The following NRG3 variants were observed in gnomAD, a reference collection of about 807,000 sequenced individuals.
The protein encoded by NRG3 is neuregulin 3, also known as pro-neuregulin-3, membrane-bound isoform.
Under a neutral mutation model 66.9 loss-of-function variants are expected in NRG3, and 31 were observed. The observed-to-expected ratio is 0.46, with a 90% confidence interval of 0.35 to 0.63. The LOEUF is 0.63. NRG3 is among the 20% of genes least tolerant of loss of function. The pLI, the probability that NRG3 is intolerant of heterozygous loss-of-function variation, is 0.00. For missense variants in NRG3, 910 were observed against 878.9 expected, an observed-to-expected ratio of 1.04 and a Z score of -0.45; for synonymous variants, 393 against 359.4, an observed-to-expected ratio of 1.09 and a Z score of -1.06.
At chr10:82,490,457 T>A (rs752269845) in intron 2 of NRG3, among the ~76,000 whole-genome samples, 6 of 152,166 alleles carry the variant, frequency 3.9e-5, no homozygotes, top group Non-Finnish European at 1.5e-5. Context: ...TTCTCCTACC[T>A]TGCTGAACAC....
chr10:82,117,672 G>T (rs1787170267), intron 1 of NRG3, among the ~76,000 whole-genome samples: 1 of 152,026 alleles, frequency 6.6e-6, no homozygotes, highest in Non-Finnish European at 1.5e-5. Flanking sequence ...GTGAGGCATT[G>T]CCCAGAGTGT....
At chr10:82,980,700 T>C (rs557196213) in intron 8 of NRG3, among the ~76,000 whole-genome samples, 25 of 152,346 alleles carry the variant, frequency 1.6e-4, no homozygotes, top group Non-Finnish European at 3.2e-4. Flanking sequence ...CTAGGTTTTA[T>C]AATTTTGAAG....
chr10:82,467,276 T>G (rs1590229589), intron 2 of NRG3, among the ~76,000 whole-genome samples: 1 of 152,362 alleles, frequency 6.6e-6, no homozygotes, highest in African/African-American at 2.4e-5. Context: ...TGTGAAGTAT[T>G]AATTTACATT....
intron 2 of NRG3, among the ~76,000 whole-genome samples, chr10:82,701,660 A>G (rs575770358): frequency 6.6e-6 from 1 of 152,296 alleles, no homozygotes; most frequent in Non-Finnish European, 1.5e-5. Flanking sequence ...TGGATAGTCA[A>G]TTTCTTGGTA....
At chr10:81,969,218 C>A (rs765125523) in intron 1 of NRG3, among the ~76,000 whole-genome samples, 1 of 152,022 alleles carries the variant, frequency 6.6e-6, no homozygotes. Flanking sequence ...GAAGAGCAAC[C>A]AATATGTCCT....
At chr10:82,706,392 T>G (rs925017004) in intron 2 of NRG3, among the ~76,000 whole-genome samples, 5 of 152,222 alleles carry the variant, frequency 3.3e-5, no homozygotes, top group Admixed American at 1.3e-4. Context: ...AGTCTCCAGA[T>G]GGAGTAATTA....
At chr10:82,207,007 G>A (rs1443470354) in intron 1 of NRG3, among the ~76,000 whole-genome samples, 2 of 152,154 alleles carry the variant, frequency 1.3e-5, no homozygotes, top group African/African-American at 4.8e-5. Context: ...TCTGTTCTTG[G>A]CTGCTGAGTC....
chr10:82,648,083 C>T (rs937413416), intron 2 of NRG3, among the ~76,000 whole-genome samples: 13 of 150,488 alleles, frequency 8.6e-5, no homozygotes, highest in Non-Finnish European at 1.9e-4. Flanking sequence ...CTTGCCCATG[C>T]CTATGTCCTG....
intron 2 of NRG3, among the ~76,000 whole-genome samples, chr10:82,647,764 G>C (rs2051060894): frequency 6.6e-6 from 1 of 152,096 alleles, no homozygotes; most frequent in African/African-American, 2.4e-5. Flanking sequence ...GTGATGGTGA[G>C]CATTTTTTCA....
intron 3 of NRG3, among the ~76,000 whole-genome samples, chr10:82,859,549 T>C (rs1024731380): frequency 6.6e-6 from 1 of 152,212 alleles, no homozygotes; most frequent in African/African-American, 2.4e-5. Context: ...CGGGGGAATG[T>C]CAGCAGCCCC....
intron 1 of NRG3, among the ~76,000 whole-genome samples, chr10:82,091,230 C>T (rs765922872): frequency 2.0e-5 from 3 of 152,102 alleles, no homozygotes; most frequent in Admixed American, 6.6e-5. Context: ...TTCACAATGT[C>T]GCGTAACTAT....
At chr10:81,909,960 G>GT (rs1313798970) in intron 1 of NRG3, among the ~76,000 whole-genome samples, 1 of 152,060 alleles carries the variant, frequency 6.6e-6, no homozygotes, top group Non-Finnish European at 1.5e-5. Context: ...AATTGTATCT[G>GT]TTTTTCCCCT....
intron 2 of NRG3, among the ~76,000 whole-genome samples, chr10:82,519,210 G>T (rs1056375184): frequency 1.3e-5 from 2 of 152,154 alleles, no homozygotes; most frequent in Non-Finnish European, 2.9e-5. Context: ...GTACTTCCAA[G>T]TGTTCAGAGA....
rs901563898 is a variant in NRG3, at chr10:82,785,138, G to A, written c.1027+46488G>A. Among the ~76,000 whole-genome samples, 5 of 150,596 alleles carry A rather than the reference G, an allele frequency of 3.3e-5. 1 individual carries two copies. The South Asian group carries it at 1.1e-3, about 32-fold the overall frequency. On this transcript the variant is annotated intron_variant, in intron 3 of 8. Transcript: ENST00000372141. ...CAAACACCGCATGTTCTCACTCATAGATGGGAATTGAACAATGAGAGCACA... is the reference window on the plus strand; with the variant it reads ...CAAACACCGCATGTTCTCACTCATAAATGGGAATTGAACAATGAGAGCACA...
rs184861671 is a variant in NRG3, at chr10:82,205,082, A to T, written c.824-153657A>T. The stretch of plus-strand genomic sequence containing the variant: ...GGAGATATGCAATAAGCAAATGGAA[A>T]TGTGGACATTAACTCAAAAGGAAGG... On this transcript the variant is annotated intron_variant, in intron 1 of 8. Coordinates refer to ENST00000372141, the MANE Select transcript of NRG3 (RefSeq NM_001010848.4). 3.2e-3 allele frequency among the ~76,000 whole-genome samples: 482 copies of T among 152,354 alleles called. 2 individuals are homozygous for T. The highest frequency in any genetic ancestry group is 0.011 in the African/African-American group (460 of 41,580).
intron 2 of NRG3, among the ~76,000 whole-genome samples, chr10:82,681,901 T>C (rs1316688567): frequency 6.6e-6 from 1 of 152,218 alleles, no homozygotes. Context: ...GGTAAGGTCC[T>C]CACAAGAGAA....
At chr10:82,635,323 A>T (rs578036731) in intron 2 of NRG3, among the ~76,000 whole-genome samples, 2 of 152,288 alleles carry the variant, frequency 1.3e-5, no homozygotes, top group South Asian at 4.1e-4. Context: ...CTCCAGCTTG[A>T]CTAAAGTTCT....
chr10:82,035,252 T>C (rs1423525235), intron 1 of NRG3, among the ~76,000 whole-genome samples: 1 of 152,108 alleles, frequency 6.6e-6, no homozygotes, highest in Non-Finnish European at 1.5e-5. Flanking sequence ...TGAACAGATG[T>C]GTGTCAATGC....
intron 1 of NRG3, among the ~76,000 whole-genome samples, chr10:82,184,456 T>C (rs1304769664): frequency 6.6e-6 from 1 of 152,176 alleles, no homozygotes; most frequent in Non-Finnish European, 1.5e-5. Flanking sequence ...TGGCAATATC[T>C]GCCCTGATAG....
Sources: allele counts gnomAD v4.1 joint callset (sites outside exome capture counted in the v4.1 genomes callset), GRCh38; gene constraint gnomAD v4.1.1; transcripts MANE v1.5; gene names NCBI Gene and HGNC (gene_info 2026-07-23, HGNC 2026-07-21).